The following RAB38 variants were observed in gnomAD, a reference collection of about 807,000 sequenced individuals.
The protein encoded by RAB38 is RAB38, member RAS oncogene family, also known as ras-related protein Rab-38.
In RAB38, 15 loss-of-function variants were observed where a neutral mutation model predicts 18.4. That is an observed-to-expected ratio of 0.82 (90% CI 0.55 to 1.26). RAB38 has a LOEUF of 1.26. RAB38 is among the 50% of genes most tolerant of loss of function. The probability of loss-of-function intolerance (pLI) is 0.00; values close to 1 mark genes in which losing one functional copy is unlikely to be tolerated. For missense variants in RAB38, 294 were observed against 267.4 expected (o/e 1.10, Z -0.69); for synonymous variants, 101 against 104.4 (o/e 0.97, Z 0.20).
At chr11:87,946,645 G>GT in the RAB38 span, among the ~76,000 whole-genome samples, 5 of 151,990 alleles carry the variant, frequency 3.3e-5, no homozygotes, top group Admixed American at 2.6e-4. Context: ...GTGGTGTTTG[G>GT]TTTTTTGTCC....
chr11:87,976,204 T>C, the RAB38 span, among the ~76,000 whole-genome samples: 1,101 of 147,174 alleles, frequency 7.5e-3, 16 homozygotes, highest in African/African-American at 0.026. Context: ...ATATACTCTA[T>C]GTATATTTTT....
chr11:88,019,055 T>C, the RAB38 span, among the ~76,000 whole-genome samples: 1 of 152,156 alleles, frequency 6.6e-6, no homozygotes, highest in Non-Finnish European at 1.5e-5. Context: ...ATTTTTATCT[T>C]CTAAAAAATG....
At chr11:87,888,170 C>G in the RAB38 span, among the ~76,000 whole-genome samples, 1 of 151,898 alleles carries the variant, frequency 6.6e-6, no homozygotes, top group African/African-American at 2.4e-5. Context: ...ACAAAGACAT[C>G]GAGTGACTGC....
chr11:88,161,921 G>A (rs543131724), intron 1 of RAB38, among the ~76,000 whole-genome samples: 1 of 152,180 alleles, frequency 6.6e-6, no homozygotes, highest in South Asian at 2.1e-4. Flanking sequence ...GTGACACCAA[G>A]ATGTTCTCTA....
the RAB38 span, among the ~76,000 whole-genome samples, chr11:88,015,172 G>A: frequency 6.6e-6 from 1 of 151,962 alleles, no homozygotes; most frequent in Non-Finnish European, 1.5e-5. Flanking sequence ...TCATGGGCTA[G>A]TACTCATCTA....
At chr11:87,803,746 T>C in the RAB38 span, among the ~76,000 whole-genome samples, 2 of 152,182 alleles carry the variant, frequency 1.3e-5, no homozygotes, top group African/African-American at 4.8e-5. Context: ...AAAACAAGTA[T>C]CTGCTTCCAA....
intron 1 of RAB38, among the ~76,000 whole-genome samples, chr11:88,163,763 T>C (rs1364643208): frequency 6.6e-6 from 1 of 152,118 alleles, no homozygotes; most frequent in African/African-American, 2.4e-5. Flanking sequence ...TGAATGTATA[T>C]TTAAATTTAA....
the RAB38 span, among the ~76,000 whole-genome samples, chr11:88,076,774 C>T: frequency 6.8e-6 from 1 of 146,308 alleles, no homozygotes; most frequent in African/African-American, 2.5e-5. Flanking sequence ...ATGGTGAAAC[C>T]CCATCTCTAC....
downstream of RAB38, among the ~76,000 whole-genome samples, chr11:88,111,161 A>C (rs531724384): frequency 1.1e-4 from 16 of 152,298 alleles, no homozygotes; most frequent in African/African-American, 3.8e-4. Context: ...ATAGTGCAAT[A>C]ACTCAGACAT....
intron 1 of RAB38, among the ~76,000 whole-genome samples, chr11:88,162,008 T>C (rs1262490278): frequency 6.6e-6 from 1 of 151,936 alleles, no homozygotes; most frequent in Non-Finnish European, 1.5e-5. Flanking sequence ...TGCACAATAA[T>C]CTAGAAGAAA....
chr11:87,875,320 TA>T, the RAB38 span, among the ~76,000 whole-genome samples: 3 of 151,412 alleles, frequency 2.0e-5, 1 homozygote, highest in Middle Eastern at 6.8e-3. Context: ...CAATTAAAAA[TA>T]AAATTAATTA....
At chr11:88,016,172 C>T in the RAB38 span, among the ~76,000 whole-genome samples, 19 of 152,270 alleles carry the variant, frequency 1.2e-4, no homozygotes, top group African/African-American at 4.1e-4. Flanking sequence ...GCAATCCAAA[C>T]TTTTATTGTC....
At chr11:87,949,093 C>A in the RAB38 span, among the ~76,000 whole-genome samples, 1 of 152,216 alleles carries the variant, frequency 6.6e-6, no homozygotes, top group African/African-American at 2.4e-5. Flanking sequence ...TTAAGAGATT[C>A]AACTTCTTCC....
At chr11:87,953,319 G>A in the RAB38 span, among the ~76,000 whole-genome samples, 2 of 152,152 alleles carry the variant, frequency 1.3e-5, no homozygotes, top group African/African-American at 4.8e-5. Context: ...TAAGGAATAG[G>A]TGCTAGAGAG....
At chr11:87,945,825 A>G in the RAB38 span, among the ~76,000 whole-genome samples, 1 of 152,210 alleles carries the variant, frequency 6.6e-6, no homozygotes, top group Admixed American at 6.6e-5. Flanking sequence ...GGCGTCTGGC[A>G]TCTTTCCTGA....
At chr11:88,164,860 T>C (rs1211858424) in intron 1 of RAB38, among the ~76,000 whole-genome samples, 1 of 152,006 alleles carries the variant, frequency 6.6e-6, no homozygotes, top group Non-Finnish European at 1.5e-5. Flanking sequence ...AATACATGCA[T>C]ACAGATCCTT....
chr11:88,170,473 T>A lies in RAB38; in HGVS notation c.202+4710A>T, dbSNP rs928278712. 1.9e-4 allele frequency among the ~76,000 whole-genome samples: 29 copies of A among 152,208 alleles called. 1 individual carries two copies. The highest frequency in any genetic ancestry group is 1.4e-3 in the Admixed American group (22 of 15,272). ...AAGAGATAGTTAAGTCCGAATCCTA[T>A]CTTTGGTTGAATTTCACAACCTGAA... On this transcript the variant is annotated intron_variant, in intron 1 of 2. Transcript: ENST00000243662.
At chr11:87,907,399 C>A in the RAB38 span, among the ~76,000 whole-genome samples, 3 of 151,274 alleles carry the variant, frequency 2.0e-5, no homozygotes, top group Non-Finnish European at 3.0e-5. Context: ...ATTGGTTTGT[C>A]TTTTTTGCAA....
chr11:87,940,534 G>C, the RAB38 span, among the ~76,000 whole-genome samples: 1 of 152,016 alleles, frequency 6.6e-6, no homozygotes, highest in African/African-American at 2.4e-5. Context: ...AAGCAAAAGA[G>C]TTCCTGCTTG....
Sources: allele counts gnomAD v4.1 joint callset (sites outside exome capture counted in the v4.1 genomes callset), GRCh38; gene constraint gnomAD v4.1.1; transcripts MANE v1.5; gene names NCBI Gene and HGNC (gene_info 2026-07-23, HGNC 2026-07-21).